Variants in ABLIM2 observed in about 807,000 individuals in gnomAD.
ABLIM2 encodes the protein actin binding LIM protein family member 2, also known as actin-binding LIM protein 2.
In ABLIM2, 53 loss-of-function variants were observed where a neutral mutation model predicts 97.7. The observed-to-expected ratio is 0.54, with a 90% CI of 0.44 to 0.68. The LOEUF (loss-of-function observed/expected upper bound fraction) is 0.68. Among genes scored for constraint, ABLIM2 ranks in the 30% least tolerant of loss-of-function variants. The pLI is 0.00. For missense variants in ABLIM2, 835 were observed against 867.2 expected, an observed-to-expected ratio of 0.96 and a Z score of 0.47; for synonymous variants, 361 against 345.8, an observed-to-expected ratio of 1.04 and a Z score of -0.49.
At chr4:8,018,527 G>A (rs1578788605) in intron 14 of ABLIM2, among the ~76,000 whole-genome samples, 1 of 152,174 alleles carries the variant, frequency 6.6e-6, no homozygotes, top group South Asian at 2.1e-4. Flanking sequence ...CATCATTTCT[G>A]GAAACTCAAG....
At chr4:8,052,070 T>C (rs778509452) in intron 8 of ABLIM2, among the ~76,000 whole-genome samples, 5 of 152,148 alleles carry the variant, frequency 3.3e-5, no homozygotes, top group Non-Finnish European at 7.3e-5. Context: ...TATTAAACTC[T>C]CCGCTCTTTA....
Position 8,125,768 on chromosome 4 carries a change from C to T in ABLIM2, c.11-19131G>A, listed in dbSNP as rs1042436557. Among the ~76,000 whole-genome samples the T allele has an allele frequency of 3.3e-5, 5 of 152,204 alleles. No homozygotes were observed. The highest frequency in any genetic ancestry group is 1.9e-4 in the East Asian group (1 of 5,196). ...TGCCATGGAAACTCCATCTGGGACA[C>T]GGACATCGTCACCTGCTGTCTGCTC... On this transcript the variant is annotated intron_variant, in intron 1 of 20. Coordinates refer to ENST00000447017, the MANE Select transcript of ABLIM2 (RefSeq NM_001130083.2). This position sits in a 1 kb window ranked among gnomAD's most constrained non-coding sequence, Gnocchi z 6.2.
intron 20 of ABLIM2, among the ~76,000 whole-genome samples, chr4:7,977,802 A>AAATG (rs1327179778): frequency 6.6e-4 from 100 of 150,792 alleles, no homozygotes; most frequent in Middle Eastern, 3.4e-3. Context: ...ATAAATAAAT[A>AAATG]AATAAATAAA....
intron 3 of ABLIM2, among the ~76,000 whole-genome samples, chr4:8,094,598 G>T (rs1206334358): frequency 6.6e-6 from 1 of 152,222 alleles, no homozygotes; most frequent in African/African-American, 2.4e-5. Flanking sequence ...GGAATCTACA[G>T]ATAACATAAC....
At chr4:8,040,782 G>T (rs532980728) in intron 9 of ABLIM2, among the ~76,000 whole-genome samples, 1 of 152,198 alleles carries the variant, frequency 6.6e-6, no homozygotes, top group Non-Finnish European at 1.5e-5. Context: ...CTTCTGGCCT[G>T]TCTGGCCCCT....
chr4:8,094,639 C>T lies in ABLIM2; in HGVS notation c.338+2460G>A, dbSNP rs993548186. Among the ~76,000 whole-genome samples, 4 of 152,196 alleles carry T rather than the reference C, an allele frequency of 2.6e-5. No individual in the cohort carries two copies. The East Asian group carries it at 5.8e-4, about 22-fold the overall frequency. ...AGGTCAGGGGTCGATCTTTAACTAC[C>T]AGGCCCAGGGTGTGGTGCCGGGCTG... On this transcript the variant is annotated intron_variant, in intron 3 of 20. Coordinates refer to ENST00000447017, the MANE Select transcript of ABLIM2 (RefSeq NM_001130083.2).
In ABLIM2 at chr4:8,154,257, C is replaced by T. The variant is rs189084226; in HGVS notation, c.10+4423G>A. On this transcript the variant is annotated intron_variant, in intron 1 of 20. Coordinates refer to ENST00000447017, the MANE Select transcript of ABLIM2 (RefSeq NM_001130083.2). The stretch of plus-strand genomic sequence containing the variant: ...GATTACAGGCGTGAGCCACCGCACC[C>T]AGCCACTTATTTTCTTTTCTTTTCT... Among the ~76,000 whole-genome samples the T allele has an allele frequency of 2.3e-3, 338 of 146,242 alleles. 2 individuals are homozygous for T. Among genetic ancestry groups the T allele is most frequent in the African/African-American group, 8.1e-3 (323 of 40,000 alleles).
At chr4:8,136,334 G>A (rs1352777312) in intron 1 of ABLIM2, among the ~76,000 whole-genome samples, 1 of 152,206 alleles carries the variant, frequency 6.6e-6, no homozygotes, top group Admixed American at 6.5e-5. Context: ...GAAGATGAGA[G>A]GGTCCTGTGG....
intron 3 of ABLIM2, among the ~76,000 whole-genome samples, chr4:8,089,705 G>T (rs1407850242): frequency 7.1e-6 from 1 of 140,268 alleles, no homozygotes; most frequent in Non-Finnish European, 1.5e-5. Context: ...CTGCACTCCA[G>T]GCTGGGCCAA....
At chr4:8,129,398 A>C (rs1042832881) in intron 1 of ABLIM2, among the ~76,000 whole-genome samples, 2 of 152,330 alleles carry the variant, frequency 1.3e-5, no homozygotes, top group Non-Finnish European at 2.9e-5. Context: ...GCGCGCCCGA[A>C]ACACGGCCAG....
chr4:8,014,100 T>C (rs1767014679), intron 14 of ABLIM2, among the ~76,000 whole-genome samples: 1 of 152,238 alleles, frequency 6.6e-6, no homozygotes, highest in Non-Finnish European at 1.5e-5. Context: ...CCTCACCAGT[T>C]TTCTCTGCCT....
At chr4:7,972,325 G>A (rs1320933542) in intron 20 of ABLIM2, among the ~76,000 whole-genome samples, 6 of 152,304 alleles carry the variant, frequency 3.9e-5, no homozygotes, top group Admixed American at 3.3e-4. Flanking sequence ...GCACCATGCA[G>A]TGCTCCCTCT....
chr4:8,099,143 T>G (rs922524566), intron 2 of ABLIM2, among the ~76,000 whole-genome samples: 1 of 152,206 alleles, frequency 6.6e-6, no homozygotes, highest in Non-Finnish European at 1.5e-5. Context: ...GAAGGAAACC[T>G]GGGCTGAGGA....
intron 20 of ABLIM2, 67 bp downstream of exon 20, chr4:7,983,197 G>A (rs982630913): frequency 1.2e-5 from 18 of 1,509,266 alleles, no homozygotes; most frequent in African/African-American, 6.9e-5. Flanking sequence ...TTGACACCAC[G>A]GAGGAGGCAT....
In ABLIM2 at chr4:8,127,657, G is replaced by A; in HGVS notation, c.11-21020C>T. 7.8e-7 allele frequency: 1 copy of A among 1,281,948 alleles called. No homozygotes were observed. The allele number at this position is 1,281,948 out of a possible 1,614,324, so 79.4% of individuals were successfully genotyped here. A position where few individuals can be genotyped will look rare whatever the true frequency, so the allele number is the denominator to read the frequency against. ...CTGGCACCCACGGAGGATCGGGCAG[G>A]AGTGGACCGGGGAAGAGCCTCTGTG... On this transcript the variant is annotated intron_variant, in intron 1 of 20. Coordinates refer to ENST00000447017, the MANE Select transcript of ABLIM2 (RefSeq NM_001130083.2). The surrounding 1 kb of genome is among the most constrained non-coding windows in gnomAD (Gnocchi z 7.3).
At position 8,032,418 on chromosome 4, in the gene ABLIM2, G is replaced by A. The variant is rs1229962746; in HGVS notation, c.1048-2642C>T. Among the ~76,000 whole-genome samples, 1 of 152,142 alleles carries A rather than the reference G, an allele frequency of 6.6e-6. No individual in the cohort carries two copies. The highest frequency in any genetic ancestry group is 6.5e-5 in the Admixed American group (1 of 15,284). ...TCAGGGTAGACCCGCGTCCCAGGCG[G>A]CCACATCCGCAGGGCTGGCAGACAT... On this transcript the variant is annotated intron_variant, in intron 10 of 20. Coordinates refer to ENST00000447017, the MANE Select transcript of ABLIM2 (RefSeq NM_001130083.2). The surrounding 1 kb of genome is among the most constrained non-coding windows in gnomAD (Gnocchi z 4.3).
chr4:8,074,043 C>T (rs188625860), intron 6 of ABLIM2, among the ~76,000 whole-genome samples: 21 of 133,160 alleles, frequency 1.6e-4, no homozygotes, highest in African/African-American at 3.7e-4. Context: ...GCCGAGATTG[C>T]GCCACTGCAC....
chr4:8,073,074 C>T (rs959856308), intron 6 of ABLIM2, among the ~76,000 whole-genome samples: 20 of 151,826 alleles, frequency 1.3e-4, no homozygotes, highest in African/African-American at 4.4e-4. Flanking sequence ...CTGTTTTTAA[C>T]GGGAGAGATG....
At position 7,986,962 on chromosome 4, in the gene ABLIM2, C is replaced by A. The variant is rs566576159; in HGVS notation, c.1681-2069G>T. Among the ~76,000 whole-genome samples the A allele has an allele frequency of 6.6e-6, 1 of 152,284 alleles. No individual in the cohort carries two copies. The highest frequency in any genetic ancestry group is 1.9e-4 in the East Asian group (1 of 5,176). ...CTGGGATTATAGGCATAAGCCACTG[C>A]GCCCGGTCATGCAAATAATTTTTAA... On this transcript the variant is annotated intron_variant, in intron 17 of 20. Coordinates refer to ENST00000447017, the MANE Select transcript of ABLIM2 (RefSeq NM_001130083.2). The surrounding 1 kb of genome is among the most constrained non-coding windows in gnomAD (Gnocchi z 4.3).
Sources: gnomAD v4.1 joint callset for allele counts (sites outside exome capture counted in the v4.1 genomes callset) on GRCh38, gnomAD v4.1.1 for gene constraint, Gnocchi (gnomAD v3.1) non-coding constraint, MANE v1.5 for transcripts, NCBI Gene and HGNC (gene_info 2026-07-23, HGNC 2026-07-21) for gene names.